Variants in COL13A1 observed in about 807,000 individuals in gnomAD.
COL13A1 encodes collagen alpha-1(XIII) chain.
COL13A1 carries 89 observed loss-of-function variants against 130.9 expected under a neutral mutation model. The observed-to-expected ratio is 0.68, with a 90% CI of 0.57 to 0.81. COL13A1 has a LOEUF of 0.81. Among genes scored for constraint, COL13A1 ranks in the 30% least tolerant of loss-of-function variants. The pLI, the probability that COL13A1 is intolerant of heterozygous loss-of-function variation, is 0.00. For synonymous variants in COL13A1, 402 were observed against 341.6 expected (o/e 1.18, Z -1.95); for missense variants, 879 against 934.6 (o/e 0.94, Z 0.78).
intron 10 of COL13A1, among the ~76,000 whole-genome samples, chr10:69,892,503 G>A (rs1052510327): frequency 3.3e-5 from 5 of 152,178 alleles, no homozygotes; most frequent in African/African-American, 1.2e-4. Context: ...ATGACATAAG[G>A]GCTGTAAAGC....
intron 5 of COL13A1, among the ~76,000 whole-genome samples, chr10:69,875,615 G>A (rs977497585): frequency 1.3e-5 from 2 of 152,222 alleles, no homozygotes; most frequent in Non-Finnish European, 2.9e-5. Context: ...CTAAGAGATG[G>A]TGAAGACAGG....
At chr10:69,824,308 T>C (rs1290039861) in intron 2 of COL13A1, among the ~76,000 whole-genome samples, 1 of 152,270 alleles carries the variant, frequency 6.6e-6, no homozygotes, top group Non-Finnish European at 1.5e-5. Flanking sequence ...TCAAATGCCA[T>C]GTCCTAGTGT....
chr10:69,807,398 G>A (rs1004993012), intron 1 of COL13A1, among the ~76,000 whole-genome samples: 1 of 152,178 alleles, frequency 6.6e-6, no homozygotes, highest in African/African-American at 2.4e-5. Flanking sequence ...AGGAACCCCA[G>A]GCAGACTCCT....
chr10:69,863,272 A>G (rs1239989537), intron 2 of COL13A1, among the ~76,000 whole-genome samples: 1 of 152,100 alleles, frequency 6.6e-6, no homozygotes, highest in Non-Finnish European at 1.5e-5. Context: ...ATTGTCAACT[A>G]TCCTCTGGGG....
chr10:69,822,490 G>C, intron 2 of COL13A1, 52 bp downstream of exon 2: 2 of 1,399,876 alleles, frequency 1.4e-6, no homozygotes, highest in Non-Finnish European at 1.9e-6. Flanking sequence ...ACTGAGACCA[G>C]AGGCTCTTCC....
intron 2 of COL13A1, among the ~76,000 whole-genome samples, chr10:69,825,901 G>A (rs1056772609): frequency 4.6e-5 from 7 of 152,286 alleles, no homozygotes; most frequent in South Asian, 2.1e-4. Context: ...GGCTGCATGC[G>A]CTGTTTGCCA....
chr10:69,930,783 G>A (rs1289482227), intron 30 of COL13A1, among the ~76,000 whole-genome samples: 2 of 152,188 alleles, frequency 1.3e-5, no homozygotes, highest in Admixed American at 1.3e-4. Context: ...GTATCCTTGG[G>A]AAAGCCACTC....
rs138335574 is a variant in COL13A1, at chr10:69,847,526, C to T, written c.365-20272C>T. 1.6e-3 allele frequency among the ~76,000 whole-genome samples: 245 copies of T among 152,356 alleles called. 1 individual carries two copies. Among genetic ancestry groups the T allele is most frequent in the African/African-American group, 5.5e-3 (228 of 41,586 alleles). ...TCTCTCCCTACTCTGTCTCTCTCCT[C>T]CTGCTCTTTCTCCTTGCCTCCAGGC... On this transcript the variant is annotated intron_variant, in intron 2 of 40. Coordinates refer to ENST00000645393, the MANE Select transcript of COL13A1 (RefSeq NM_001368882.1).
At chr10:69,810,732 G>A (rs1842826625) in intron 1 of COL13A1, among the ~76,000 whole-genome samples, 1 of 152,334 alleles carries the variant, frequency 6.6e-6, no homozygotes, top group Admixed American at 6.5e-5. Context: ...GCCTGGGTCT[G>A]GGGAGACTAG....
chr10:69,803,895 C>A (rs1328269945), intron 1 of COL13A1, among the ~76,000 whole-genome samples: 1 of 152,148 alleles, frequency 6.6e-6, no homozygotes, highest in Non-Finnish European at 1.5e-5. Flanking sequence ...GCAAGATGTA[C>A]CTATTCCCTA....
At chr10:69,950,923 A>G (rs944192029) in intron 38 of COL13A1, among the ~76,000 whole-genome samples, 4 of 152,138 alleles carry the variant, frequency 2.6e-5, no homozygotes, top group Non-Finnish European at 5.9e-5. Context: ...ATCTCAGCTC[A>G]CTGCAACCTC....
chr10:69,905,741 T>C, intron 16 of COL13A1, 46 bp from the exon 17 acceptor site: 3 of 1,605,280 alleles, frequency 1.9e-6, no homozygotes, highest in Non-Finnish European at 2.6e-6. Context: ...AGTCAAAGTT[T>C]GGCAGTGGGA....
intron 1 of COL13A1, among the ~76,000 whole-genome samples, chr10:69,813,947 T>C (rs755846742): frequency 2.2e-4 from 33 of 152,256 alleles, no homozygotes; most frequent in Non-Finnish European, 3.8e-4. Context: ...GCCCACCTCC[T>C]CCTGGGACCA....
chr10:69,883,888 A>C (rs56183595), intron 7 of COL13A1, among the ~76,000 whole-genome samples: 37,958 of 152,204 alleles, frequency 0.25, 5,676 homozygotes, highest in Non-Finnish European at 0.33. Context: ...AGGCACTTGC[A>C]ACAACCAAGG....
chr10:69,849,886 C>A (rs191017628), intron 2 of COL13A1, among the ~76,000 whole-genome samples: 2 of 152,208 alleles, frequency 1.3e-5, no homozygotes, highest in South Asian at 4.1e-4. Context: ...CTGGGCCCCA[C>A]GGCCAGCTCC....
At chr10:69,874,264 A>C (rs2059369835) in intron 4 of COL13A1, among the ~76,000 whole-genome samples, 1 of 152,214 alleles carries the variant, frequency 6.6e-6, no homozygotes, top group Non-Finnish European at 1.5e-5. Flanking sequence ...TAGCAGACGC[A>C]GAGTCACCCG....
intron 1 of COL13A1, among the ~76,000 whole-genome samples, chr10:69,813,685 C>T (rs928416591): frequency 7.2e-5 from 11 of 152,212 alleles, no homozygotes; most frequent in Non-Finnish European, 1.3e-4. Context: ...CATGCAAGTC[C>T]AGTTCTGGTG....
intron 2 of COL13A1, among the ~76,000 whole-genome samples, chr10:69,823,574 C>G (rs80147569): frequency 0.016 from 2,408 of 152,274 alleles, 75 homozygotes; most frequent in African/African-American, 0.056. Flanking sequence ...CCAAGTAACA[C>G]TCACCCAGGT....
intron 21 of COL13A1, among the ~76,000 whole-genome samples, chr10:69,920,135 C>T (rs2064445301): frequency 6.6e-6 from 1 of 152,242 alleles, no homozygotes; most frequent in Admixed American, 6.5e-5. Context: ...CACAACCCCT[C>T]TTGGCCAGCC....
Sources: gnomAD v4.1 joint callset for allele counts (sites outside exome capture counted in the v4.1 genomes callset) on GRCh38, gnomAD v4.1.1 for gene constraint, MANE v1.5 for transcripts, NCBI Gene and HGNC (gene_info 2026-07-23, HGNC 2026-07-21) for gene names.